Variants in MIS18BP1 observed in about 807,000 individuals in gnomAD.
MIS18BP1 encodes the protein MIS18 binding protein 1.
A neutral mutation model predicts 116.1 loss-of-function variants in MIS18BP1; 72 were observed. That is an observed-to-expected ratio of 0.62 (90% CI 0.51 to 0.75). The LOEUF (loss-of-function observed/expected upper bound fraction) is 0.75, where lower values mean the gene tolerates loss of function less well. Ranked by LOEUF, MIS18BP1 falls within the 30% of genes least tolerant of loss-of-function variation. The probability of loss-of-function intolerance (pLI) is 0.00; values close to 1 mark genes in which losing one functional copy is unlikely to be tolerated. For synonymous variants in MIS18BP1, 386 were observed against 427.0 expected (o/e 0.90, Z 1.18); for missense variants, 1,363 against 1,303.2 (o/e 1.05, Z -0.71).
rs569756111 is a variant in MIS18BP1, at chr14:45,251,029, T to A, written c.-92+2006A>T. 2.7e-3 allele frequency among the ~76,000 whole-genome samples: 309 copies of A among 114,040 alleles called. 1 individual carries two copies. Among genetic ancestry groups the A allele is most frequent in the African/African-American group, 0.011 (298 of 28,236 alleles). The allele number at this position is 114,040 out of a possible 152,430, so 74.8% of individuals were successfully genotyped here. Reference sequence around the variant, plus strand: ...TCCAGCATGGGCGAGACATCAAGACTCTGCCTCAAAAAAAAAAAAAAAAAA... The same window carrying A: ...TCCAGCATGGGCGAGACATCAAGACACTGCCTCAAAAAAAAAAAAAAAAAA... On this transcript the variant is annotated intron_variant, in intron 1 of 16. Transcript: ENST00000310806.
intron 13 of MIS18BP1, among the ~76,000 whole-genome samples, chr14:45,211,461 C>A (rs1358424758): frequency 6.6e-6 from 1 of 152,094 alleles, no homozygotes; most frequent in Admixed American, 6.6e-5. Flanking sequence ...CCTCCTAACC[C>A]CCTCCTCTCC....
intron 1 of MIS18BP1, among the ~76,000 whole-genome samples, chr14:45,248,834 C>T (rs1162573620): frequency 6.6e-6 from 1 of 152,144 alleles, no homozygotes; most frequent in Non-Finnish European, 1.5e-5. Flanking sequence ...TACATATTAA[C>T]GCATGCATGT....
chr14:45,226,448 T>C (rs2139189919), intron 10 of MIS18BP1, among the ~76,000 whole-genome samples: 1 of 152,286 alleles, frequency 6.6e-6, no homozygotes, highest in East Asian at 1.9e-4. Context: ...ATAAAAGGAT[T>C]CACTCTTTAC....
chr14:45,221,242 T>C (rs1890964886), intron 11 of MIS18BP1, among the ~76,000 whole-genome samples: 1 of 151,680 alleles, frequency 6.6e-6, no homozygotes, highest in Non-Finnish European at 1.5e-5. Flanking sequence ...ATCGAGACCA[T>C]CCTGGCTAAC....
intron 4 of MIS18BP1, among the ~76,000 whole-genome samples, chr14:45,240,586 C>A (rs926673652): frequency 1.3e-5 from 2 of 152,060 alleles, no homozygotes; most frequent in African/African-American, 4.8e-5. Flanking sequence ...AATACACAGA[C>A]CTCTTTCAAA....
chr14:45,229,013 C>T (rs751479522), intron 8 of MIS18BP1, among the ~76,000 whole-genome samples: 23 of 151,218 alleles, frequency 1.5e-4, no homozygotes, highest in Non-Finnish European at 2.4e-4. Flanking sequence ...AAATAACTTA[C>T]GTGATATGAA....
At chr14:45,236,088 G>GTTGAGTTCTGCTGT in intron 5 of MIS18BP1, 144 bp from the exon 6 acceptor site, 1 of 743,826 alleles carries the variant, frequency 1.3e-6, no homozygotes, top group Non-Finnish European at 2.1e-6. Flanking sequence ...CATTACAGCA[G>GTTGAGTTCTGCTGT]AACTCAACTG....
At chr14:45,221,588 G>T (rs1890978031) in intron 11 of MIS18BP1, among the ~76,000 whole-genome samples, 1 of 151,842 alleles carries the variant, frequency 6.6e-6, no homozygotes, top group African/African-American at 2.4e-5. Context: ...TTATTGATTT[G>T]TAGTTTAATT....
chr14:45,218,605 T>C, intron 11 of MIS18BP1, 151 bp from the exon 12 acceptor site: 1 of 769,036 alleles, frequency 1.3e-6, no homozygotes, highest in Non-Finnish European at 1.9e-6. Flanking sequence ...AAAGATATTA[T>C]TCCTTCCCCT....
In MIS18BP1 at chr14:45,204,390, G is replaced by A; in HGVS notation, c.3295+9C>T. The A allele has an allele frequency of 1.9e-6, 3 of 1,602,940 alleles. No homozygotes were observed. Among genetic ancestry groups the A allele is most frequent in the East Asian group, 2.2e-5 (1 of 44,580 alleles). On this transcript the variant is annotated intron_variant, in intron 16 of 16. Coordinates refer to ENST00000310806, the MANE Select transcript of MIS18BP1 (RefSeq NM_018353.5). ...ACTGAGCCACAAAAGAAAGCTGTAA[G>A]TGTATTACCTGTGTTAAATGGGGTT...
chr14:45,251,962 C>T (rs1163793510), intron 1 of MIS18BP1, among the ~76,000 whole-genome samples: 1 of 152,104 alleles, frequency 6.6e-6, no homozygotes, highest in East Asian at 1.9e-4. Flanking sequence ...TATATATGTA[C>T]CATAATTGCC....
chr14:45,203,484 T>G lies in MIS18BP1; in HGVS notation c.*625A>C, dbSNP rs1034771910. ...AGAGAACAAAATCTGTTCTCTAATTTTACCTAGTAAAATAATGGTAAAGCA... is the reference window on the plus strand; with the variant it reads ...AGAGAACAAAATCTGTTCTCTAATTGTACCTAGTAAAATAATGGTAAAGCA... On this transcript the variant is annotated 3_prime_UTR_variant, in exon 17 of 17. Transcript: ENST00000310806. 8 of 152,156 alleles carry G rather than the reference T, an allele frequency of 5.3e-5. No homozygotes were observed. The highest frequency in any genetic ancestry group is 1.9e-4 in the African/African-American group (8 of 41,430). The allele number at this position is 152,156 out of a possible 1,614,324, so 9.4% of individuals were successfully genotyped here.
intron 8 of MIS18BP1, 79 bp from the exon 9 acceptor site, chr14:45,227,893 G>A: frequency 7.0e-7 from 1 of 1,433,678 alleles, no homozygotes; most frequent in Non-Finnish European, 9.6e-7. Context: ...AATTAACTTT[G>A]ACGCTAGGTG....
intron 1 of MIS18BP1, among the ~76,000 whole-genome samples, chr14:45,248,554 G>A (rs767962518): frequency 5.0e-4 from 76 of 151,872 alleles, no homozygotes; most frequent in Non-Finnish European, 1.3e-4. Context: ...ATTCCAATTA[G>A]TTAACATCAT....
intron 6 of MIS18BP1, 43 bp from the exon 7 acceptor site, chr14:45,232,863 G>C: frequency 1.0e-6 from 1 of 962,548 alleles, no homozygotes; most frequent in Non-Finnish European, 1.6e-6. Context: ...TAAAAGCCTA[G>C]AATTTTAAAC....
chr14:45,241,879 A>C (rs1258148840), intron 4 of MIS18BP1, 155 bp downstream of exon 4: 1 of 816,418 alleles, frequency 1.2e-6, no homozygotes, highest in Non-Finnish European at 1.9e-6. Flanking sequence ...CACTGCAGTA[A>C]ATAATAAAAC....
At chr14:45,204,300 A>G in intron 16 of MIS18BP1, 88 bp from the exon 17 acceptor site, 1 of 1,536,780 alleles carries the variant, frequency 6.5e-7, no homozygotes, top group Non-Finnish European at 8.8e-7. Flanking sequence ...TAAAATGCTA[A>G]GTCTGTCCAC....
At chr14:45,249,199 C>T (rs922591098) in intron 1 of MIS18BP1, among the ~76,000 whole-genome samples, 2 of 152,140 alleles carry the variant, frequency 1.3e-5, no homozygotes, top group African/African-American at 4.8e-5. Flanking sequence ...TCAAGCAATT[C>T]TCCTGTCTTA....
intron 6 of MIS18BP1, among the ~76,000 whole-genome samples, chr14:45,233,305 A>G (rs1594518681): frequency 6.6e-6 from 1 of 152,214 alleles, no homozygotes; most frequent in South Asian, 2.1e-4. Flanking sequence ...TGGCATGAGG[A>G]GGGGGTTAGA....
Sources: gnomAD v4.1 joint callset for allele counts (sites outside exome capture counted in the v4.1 genomes callset) on GRCh38, gnomAD v4.1.1 for gene constraint, MANE v1.5 for transcripts, NCBI Gene and HGNC (gene_info 2026-07-23, HGNC 2026-07-21) for gene names.